Variants in PARP8 observed in about 807,000 individuals in gnomAD.
The protein encoded by PARP8 is protein mono-ADP-ribosyltransferase PARP8.
In PARP8, 51 loss-of-function variants were observed where a neutral mutation model predicts 124.1. That is an observed-to-expected ratio of 0.41 (90% CI 0.33 to 0.52). The LOEUF is 0.52. Among genes scored for constraint, PARP8 ranks in the 20% least tolerant of loss-of-function variants. The probability of loss-of-function intolerance (pLI) is 0.21; values close to 1 mark genes in which losing one functional copy is unlikely to be tolerated. For synonymous variants in PARP8, 391 were observed against 361.5 expected (o/e 1.08, Z -0.93); for missense variants, 860 against 1,018.9 (o/e 0.84, Z 2.12).
intron 2 of PARP8, among the ~76,000 whole-genome samples, chr5:50,711,062 TGTTTGTTGCTACTGGTC>T (rs1236065575): frequency 1.1e-4 from 17 of 152,176 alleles, no homozygotes; most frequent in African/African-American, 3.9e-4. Context: ...TGTGGTGAAT[TGTTTGTTGCTACTGGTC>T]GTCTGTAAAA....
intron 2 of PARP8, chr5:50,738,894 T>G (rs1757744871): frequency 1.5e-6 from 1 of 664,418 alleles, no homozygotes; most frequent in Non-Finnish European, 2.8e-6. Context: ...AAATTTATTA[T>G]TGATAATGAG....
chr5:50,808,505 A>G (rs1440701374), intron 14 of PARP8, among the ~76,000 whole-genome samples: 1 of 152,038 alleles, frequency 6.6e-6, no homozygotes, highest in Non-Finnish European at 1.5e-5. Flanking sequence ...TTTTAGGGCT[A>G]GTTTACAGTG....
At chr5:50,810,060 AT>A (rs2149680173) in intron 14 of PARP8, among the ~76,000 whole-genome samples, 1 of 152,150 alleles carries the variant, frequency 6.6e-6, no homozygotes, top group Non-Finnish European at 1.5e-5. Context: ...AACGTTAAAA[AT>A]GTTTTCATTT....
intron 25 of PARP8, among the ~76,000 whole-genome samples, chr5:50,835,268 C>A (rs1297133922): frequency 2.0e-5 from 3 of 152,306 alleles, no homozygotes; most frequent in African/African-American, 7.2e-5. Context: ...CTTAGTCAAG[C>A]CTGGTGGCCC....
intron 2 of PARP8, among the ~76,000 whole-genome samples, chr5:50,743,251 C>G (rs1487455581): frequency 6.6e-6 from 1 of 151,978 alleles, no homozygotes; most frequent in African/African-American, 2.4e-5. Context: ...CTAGAGCTCC[C>G]CAACCCTGGA....
Position 50,714,606 on chromosome 5 carries a change from T to C in PARP8, c.147-35545T>C, listed in dbSNP as rs573576885. Among the ~76,000 whole-genome samples, 18 of 152,190 alleles carry C rather than the reference T, an allele frequency of 1.2e-4. 1 individual carries two copies. The highest frequency in any genetic ancestry group is 4.3e-4 in the African/African-American group (18 of 41,538). On this transcript the variant is annotated intron_variant, in intron 2 of 25. Coordinates refer to ENST00000281631, the MANE Select transcript of PARP8 (RefSeq NM_024615.4). ...AATACAAATAGGCATTATTTCCATG[T>C]CACAAAGGAAGGAATGTGTTCTGGG...
rs1050579350 is a variant in PARP8, at chr5:50,763,155, A to G, written c.431A>G (p.Tyr144Cys). The G allele has an allele frequency of 1.2e-6, 2 of 1,612,022 alleles. No individual in the cohort carries two copies. The highest frequency in any genetic ancestry group is 2.2e-5 in the East Asian group (1 of 44,830). ...ATTATCCCTTTTCATCAGGTGAACT[A>G]TGATGGGGAACTGCACAAGCACCCA... The part of the protein sequence containing the change: ...EEFYYGGQVN[Y>C]DGELHKHPQL... The change falls in exon 7 of 26, where the codon TAT (tyrosine) becomes TGT (cysteine). Residue 144 changes from tyrosine to cysteine, a missense_variant. Tyr to Cys is a radical substitution (Grantham distance 194, BLOSUM62 -2). Around this residue, in one of 2 missense-constraint regions of PARP8, gnomAD observed 517 missense variants for 544.2 expected, o/e 0.95. Coordinates refer to ENST00000281631, the MANE Select transcript of PARP8 (RefSeq NM_024615.4).
intron 23 of PARP8, 38 bp from the exon 24 acceptor site, chr5:50,833,941 C>T (rs766157636): frequency 1.3e-6 from 2 of 1,547,302 alleles, no homozygotes; most frequent in Non-Finnish European, 1.8e-6. Flanking sequence ...CAAAGTGTTT[C>T]ATTCTGACTC....
At chr5:50,689,531 G>T (rs1319407799) in intron 2 of PARP8, among the ~76,000 whole-genome samples, 1 of 152,032 alleles carries the variant, frequency 6.6e-6, no homozygotes, top group Non-Finnish European at 1.5e-5. Flanking sequence ...ATTCCATTTG[G>T]GTCTTTTACT....
At chr5:50,827,720 C>T (rs1746503844) in intron 19 of PARP8, among the ~76,000 whole-genome samples, 1 of 152,100 alleles carries the variant, frequency 6.6e-6, no homozygotes, top group Non-Finnish European at 1.5e-5. Context: ...TATTCCTTTC[C>T]CATTTGCCCA....
At position 50,846,144 on chromosome 5, in the gene PARP8, C is replaced by T. The variant is rs543928995; in HGVS notation, c.*4076C>T. On this transcript the variant is annotated 3_prime_UTR_variant, in exon 26 of 26. Transcript: ENST00000281631. ...TTTAATGTTCTAAAAATAATATCTT[C>T]GATCTGCCCAATATTTAATGTATCA... is the stretch of plus-strand genomic sequence containing the variant. 1.4e-4 allele frequency: 21 copies of T among 151,784 alleles called. No homozygotes were observed. Among genetic ancestry groups the T allele is most frequent in the East Asian group, 1.4e-3 (7 of 5,162 alleles). The allele number at this position is 151,784 out of a possible 1,614,324, so 9.4% of individuals were successfully genotyped here.
intron 7 of PARP8, among the ~76,000 whole-genome samples, chr5:50,764,309 G>A (rs1419089909): frequency 6.6e-6 from 1 of 152,104 alleles, no homozygotes; most frequent in African/African-American, 2.4e-5. Flanking sequence ...TACCATCATG[G>A]GACATGCATG....
At chr5:50,774,806 G>A (rs1280820714) in intron 7 of PARP8, among the ~76,000 whole-genome samples, 5 of 136,222 alleles carry the variant, frequency 3.7e-5, no homozygotes, top group South Asian at 2.5e-4. Context: ...CTTCCCAGAC[G>A]AGGCGGCCGG....
chr5:50,785,902 A>G (rs1181477125), intron 9 of PARP8, among the ~76,000 whole-genome samples: 3 of 151,996 alleles, frequency 2.0e-5, no homozygotes, highest in Admixed American at 2.0e-4. Context: ...AAGCTCTTAT[A>G]TGTCATCTTT....
At position 50,788,524 on chromosome 5, in the gene PARP8, G is replaced by A; in HGVS notation, c.672G>A (p.Val224=). 1 of 1,612,558 alleles carries A rather than the reference G, an allele frequency of 6.2e-7. No homozygotes were observed. Residue 224 remains valine (V), a splice_region_variant and synonymous_variant, in exon 10 of 26, where the codon GTG becomes GTA. Transcript: ENST00000281631. ...ACTGTGATCCTTTTTCCTTTCCAGT[G>A]CCCACTGTTGATGTCTTTCAGATTT... ...CSLTQYLNGP[V]PTVDVFQIST...
chr5:50,697,573 G>A (rs1408206058), intron 2 of PARP8, among the ~76,000 whole-genome samples: 3 of 152,162 alleles, frequency 2.0e-5, no homozygotes, highest in Non-Finnish European at 4.4e-5. Context: ...GCAGTGGCAC[G>A]ATCATGGCTC....
intron 2 of PARP8, among the ~76,000 whole-genome samples, chr5:50,718,744 A>G (rs1481123245): frequency 2.6e-5 from 4 of 151,938 alleles, no homozygotes; most frequent in Non-Finnish European, 4.4e-5. Flanking sequence ...GGTTACTTCC[A>G]TATCTTGGCT....
chr5:50,841,557 C>T (rs771833393), intron 25 of PARP8, among the ~76,000 whole-genome samples: 1 of 151,784 alleles, frequency 6.6e-6, no homozygotes, highest in Non-Finnish European at 1.5e-5. Context: ...GAAGTGTCTT[C>T]AGTCAGAAAA....
chr5:50,794,091 C>T (rs1742256021), intron 10 of PARP8, 116 bp from the exon 11 acceptor site: 1 of 1,148,928 alleles, frequency 8.7e-7, no homozygotes, highest in African/African-American at 1.6e-5. Context: ...TAGCGTCTCA[C>T]TGATTTCTAT....
Sources: allele counts gnomAD v4.1 joint callset (sites outside exome capture counted in the v4.1 genomes callset), GRCh38; gene constraint gnomAD v4.1.1; regional missense constraint gnomAD v4.1.1; transcripts MANE v1.5; gene names NCBI Gene and HGNC (gene_info 2026-07-23, HGNC 2026-07-21).